The following HSPG2 variants were observed in gnomAD, a reference collection of about 807,000 sequenced individuals.
HSPG2 encodes the protein heparan sulfate proteoglycan 2.
In HSPG2, 278 loss-of-function variants were observed where a neutral mutation model predicts 526.6. The observed-to-expected ratio is 0.53, with a 90% CI of 0.48 to 0.58. HSPG2 has a LOEUF of 0.58. Ranked by LOEUF, HSPG2 falls within the 20% of genes least tolerant of loss-of-function variation. HSPG2 has a pLI of 0.00. For synonymous variants in HSPG2, 2,465 were observed against 2,555.4 expected, an observed-to-expected ratio of 0.96 and a Z score of 1.07; for missense variants, 5,354 against 6,099.5, an observed-to-expected ratio of 0.88 and a Z score of 4.07.
chr1:21,925,876 AT>A (rs66483955), intron 1 of HSPG2, among the ~76,000 whole-genome samples: 5,588 of 146,110 alleles, frequency 0.038, 194 homozygotes, highest in African/African-American at 0.094. Context: ...TTTTATTTTT[AT>A]TTTTTTTTTT....
At chr1:21,837,035 G>A in intron 74 of HSPG2, 29 bp from the exon 75 acceptor site, 1 of 1,534,862 alleles carries the variant, frequency 6.5e-7, no homozygotes, top group Non-Finnish European at 8.8e-7. Context: ...GGTTCTGCAG[G>A]TATATGTGTG....
chr1:21,854,256 TG>T lies in HSPG2; in HGVS notation c.6375del (p.Lys2126ArgfsTer46). 6.3e-7 allele frequency: 1 copy of T among 1,589,324 alleles called. No homozygotes were observed. The highest frequency in any genetic ancestry group is 8.6e-7 in the Non-Finnish European group (1 of 1,167,536). On this transcript the variant is annotated frameshift_variant, in exon 50 of 97. Transcript: ENST00000374695. LOFTEE classifies it high-confidence loss of function. ...ACAGACACAGTAATGGAGGCCTCCT[TG>T]GGGCCCGATCCATTCTCCACACGGC... is the stretch of plus-strand genomic sequence containing the variant. ...YVCRVENGSG[P>X]KEASITVSVL...
intron 25 of HSPG2, 179 bp from the exon 26 acceptor site, chr1:21,875,181 T>C (rs1157956002): frequency 4.6e-6 from 3 of 651,058 alleles, no homozygotes; most frequent in Non-Finnish European, 8.4e-6. Flanking sequence ...ACCTGCAACT[T>C]ACTCCAAACC....
chr1:21,927,258 C>T (rs527359585), intron 1 of HSPG2, among the ~76,000 whole-genome samples: 6 of 151,854 alleles, frequency 4.0e-5, no homozygotes, highest in South Asian at 2.1e-4. Flanking sequence ...AGGTGTGACC[C>T]GCCTGATGGG....
At chr1:21,925,911 C>T (rs2152801573) in intron 1 of HSPG2, among the ~76,000 whole-genome samples, 1 of 151,842 alleles carries the variant, frequency 6.6e-6, no homozygotes, top group African/African-American at 2.4e-5. Flanking sequence ...CTCACTGCAG[C>T]CTCCGCCTCC....
chr1:21,847,344 G>C lies in HSPG2; in HGVS notation c.8164+10C>G. The C allele has an allele frequency of 6.2e-7, 1 of 1,613,840 alleles. No individual in the cohort carries two copies. Among genetic ancestry groups the C allele is most frequent in the Non-Finnish European group, 8.5e-7 (1 of 1,180,008 alleles). ...CCTGCATCCCTCGTCCCTTTCCTAG[G>C]CAGACTCACCGGAGGGGCTGCCGGC... On this transcript the variant is annotated intron_variant, in intron 62 of 96. Coordinates refer to ENST00000374695, the MANE Select transcript of HSPG2 (RefSeq NM_005529.7). This position sits in a 1 kb window ranked among gnomAD's most constrained non-coding sequence, Gnocchi z 4.1.
At position 21,854,227 on chromosome 1, in the gene HSPG2, G is replaced by C; in HGVS notation, c.6405C>G (p.Leu2135=). 1 of 1,596,586 alleles carries C rather than the reference G, an allele frequency of 6.3e-7. No individual in the cohort carries two copies. The highest frequency in any genetic ancestry group is 8.5e-7 in the Non-Finnish European group (1 of 1,171,316). ...PKEASITVSV[L]HGTHSGPSYT... ...AGCTGGGGCCAGAATGGGTGCCGTG[G>C]AGCACAGACACAGTAATGGAGGCCT... The change falls in exon 50 of 97, where the codon CTC becomes CTG. Residue 2135 remains leucine (L), a synonymous_variant. Transcript: ENST00000374695.
intron 1 of HSPG2, among the ~76,000 whole-genome samples, chr1:21,932,989 G>A (rs1016144192): frequency 6.6e-6 from 1 of 152,166 alleles, no homozygotes; most frequent in Non-Finnish European, 1.5e-5. Context: ...GAGGCCGAAG[G>A]GGGTGGATCA....
At position 21,848,811 on chromosome 1, in the gene HSPG2, T is replaced by G; in HGVS notation, c.7586-17A>C. 1.2e-6 allele frequency: 2 copies of G among 1,613,252 alleles called. No homozygotes were observed. Among genetic ancestry groups the G allele is most frequent in the Non-Finnish European group, 1.7e-6 (2 of 1,179,902 alleles). ...CACCCTGGGCTGGGAGGGTGAGATG[T>G]AAGGCAGGGTGTGGGAGCTGCTGAG... On this transcript the variant is annotated splice_polypyrimidine_tract_variant and intron_variant, in intron 58 of 96. Transcript: ENST00000374695. This position sits in a 1 kb window ranked among gnomAD's most constrained non-coding sequence, Gnocchi z 4.9.
chr1:21,855,176 C>T, intron 47 of HSPG2, 128 bp downstream of exon 47: 1 of 1,396,654 alleles, frequency 7.2e-7, no homozygotes, highest in Non-Finnish European at 9.7e-7. Flanking sequence ...GGCAGGAGAC[C>T]ACCATCTTGG....
rs1426651140 is a variant in HSPG2, at chr1:21,874,895, C to T, written c.3410G>A (p.Cys1137Tyr). 6.2e-7 allele frequency: 1 copy of T among 1,611,232 alleles called. No homozygotes were observed. The highest frequency in any genetic ancestry group is 1.7e-5 in the Admixed American group (1 of 59,798). Residue 1137 changes from cysteine (C) to tyrosine (Y), a missense_variant, in exon 26 of 97, where the codon TGC (cysteine) becomes TAC (tyrosine). By Grantham distance (194) the Cys-to-Tyr change is radical. Coordinates refer to ENST00000374695, the MANE Select transcript of HSPG2 (RefSeq NM_005529.7). ...SCPPGYRGPS[C>Y]QDCDTGYTRT... ...GGCGTGGGGCCCAGGACTCACCTGG[C>T]AGGACGGCCCACGGTACCCGGGTGG...
rs769951863 is a variant in HSPG2, at chr1:21,833,874, G to A, written c.10772C>T (p.Ala3591Val). 2 of 1,603,040 alleles carry A rather than the reference G, an allele frequency of 1.2e-6. No individual in the cohort carries two copies. Among genetic ancestry groups the A allele is most frequent in the Non-Finnish European group, 1.7e-6 (2 of 1,174,754 alleles). Residue 3591 changes from alanine (A) to valine (V), a missense_variant, in exon 78 of 97, where the codon GCA becomes GTA. Transcript: ENST00000374695. ...PQEVRVPAGS[A>V]AVFPCIASGY... ...TGAGGCTATGCAGGGGAAGACAGCTGCAGAACCAGCAGGCACACGGACTTC... is the reference window on the plus strand; with the variant it reads ...TGAGGCTATGCAGGGGAAGACAGCTACAGAACCAGCAGGCACACGGACTTC...
In HSPG2 at chr1:21,833,527, C is replaced by T. The variant is rs17459097; in HGVS notation, c.10918G>A (p.Val3640Ile). Residue 3640 changes from valine to isoleucine, a missense_variant, in exon 79 of 97, where the codon GTC (valine) becomes ATC (isoleucine). Coordinates refer to ENST00000374695, the MANE Select transcript of HSPG2 (RefSeq NM_005529.7). ...SVRPQDAGTY[V>I]CTATNRQGKV... ...CCCTGGCGGTTAGTGGCGGTGCAGA[C>T]GTAGGTACCTGCGTCCTGGGGTCGG... is the stretch of plus-strand genomic sequence containing the variant. 76,108 of 1,614,022 alleles carry T rather than the reference C, an allele frequency of 0.047. 2,126 individuals are homozygous for T. The highest frequency in any genetic ancestry group is 0.052 in the Non-Finnish European group (61,940 of 1,179,950).
At position 21,828,244 on chromosome 1, in the gene HSPG2, G is replaced by A; in HGVS notation, c.12409+11C>T. The A allele has an allele frequency of 6.2e-7, 1 of 1,613,546 alleles. No individual in the cohort carries two copies. The highest frequency in any genetic ancestry group is 1.1e-5 in the South Asian group (1 of 91,088). ...CCCCTCCCCTCCGGTGCCCTGGGCA[G>A]GCTTTCCCACCTTTGAATCCATCTC... On this transcript the variant is annotated intron_variant, in intron 89 of 96. Coordinates refer to ENST00000374695, the MANE Select transcript of HSPG2 (RefSeq NM_005529.7). The surrounding 1 kb of genome is among the most constrained non-coding windows in gnomAD (Gnocchi z 6.0).
At chr1:21,866,505 TGAGAAGCTG>T (rs1186444597) in intron 33 of HSPG2, among the ~76,000 whole-genome samples, 2 of 152,196 alleles carry the variant, frequency 1.3e-5, no homozygotes, top group Admixed American at 1.3e-4. Context: ...TGCAGTCAGA[TGAGAAGCTG>T]GAGAACCAAG....
At chr1:21,862,251 G>T (rs1639847037) in intron 37 of HSPG2, 136 bp from the exon 38 acceptor site, 9 of 1,067,436 alleles carry the variant, frequency 8.4e-6, no homozygotes, top group Non-Finnish European at 9.7e-6. Flanking sequence ...AGGGCACAAA[G>T]ATTTCATTAC....
chr1:21,878,972 C>A (rs755829341), intron 18 of HSPG2, 22 bp downstream of exon 18: 7 of 1,591,454 alleles, frequency 4.4e-6, no homozygotes, highest in Non-Finnish European at 6.0e-6. Context: ...CAAACCCCCC[C>A]TGACCCGGAG....
chr1:21,918,990 G>C (rs553637042), intron 1 of HSPG2, among the ~76,000 whole-genome samples: 1 of 152,118 alleles, frequency 6.6e-6, no homozygotes, highest in Non-Finnish European at 1.5e-5. Flanking sequence ...GCTGCTGCCC[G>C]CCCTACAGGC....
At position 21,823,880 on chromosome 1, in the gene HSPG2, C is replaced by T. The variant is rs1160825774; in HGVS notation, c.12900-161G>A. ...CCGCTGAACGAGAGATCGGGCCCCACAAACACAGCTTCCTCATTTCTGCAC... is the reference window on the plus strand; with the variant it reads ...CCGCTGAACGAGAGATCGGGCCCCATAAACACAGCTTCCTCATTTCTGCAC... On this transcript the variant is annotated intron_variant, in intron 95 of 96. Coordinates refer to ENST00000374695, the MANE Select transcript of HSPG2 (RefSeq NM_005529.7). 2.6e-5 allele frequency: 19 copies of T among 741,498 alleles called. No individual in the cohort carries two copies. The Admixed American group carries it at 4.0e-4, about 15-fold the overall frequency. 45.9% of individuals were successfully genotyped at this position (741,498 alleles called of 1,614,324 possible).
Sources: allele counts gnomAD v4.1 joint callset (sites outside exome capture counted in the v4.1 genomes callset), GRCh38; gene constraint gnomAD v4.1.1; non-coding constraint Gnocchi (gnomAD v3.1); transcripts MANE v1.5; gene names NCBI Gene and HGNC (gene_info 2026-07-23, HGNC 2026-07-21).